PARL: variants seen among roughly 807,000 people sequenced by gnomAD.
PARL encodes presenilin-associated rhomboid-like protein, mitochondrial.
Under a neutral mutation model 51.6 loss-of-function variants are expected in PARL, and 44 were observed. That is an observed-to-expected ratio of 0.85 (90% CI 0.67 to 1.10). The LOEUF is 1.10. PARL is among the 50% of genes least tolerant of loss of function. The pLI, the probability that PARL is intolerant of heterozygous loss-of-function variation, is 0.00. For missense variants in PARL, 441 were observed against 469.5 expected (o/e 0.94, Z 0.56); for synonymous variants, 172 against 164.0 (o/e 1.05, Z -0.37).
intron 3 of PARL, 97 bp from the exon 4 acceptor site, chr3:183,862,898 C>G (rs952303164): frequency 4.3e-6 from 4 of 931,878 alleles, no homozygotes; most frequent in East Asian, 2.4e-5. Flanking sequence ...AGAGGAATTC[C>G]TCTTCTGCAA....
At chr3:183,843,147 G>A (rs1339466232) in intron 5 of PARL, 1 of 939,330 alleles carries the variant, frequency 1.1e-6, no homozygotes, top group Admixed American at 6.2e-5. Flanking sequence ...GCCTCCCCAA[G>A]TGCTGGGATT....
intron 4 of PARL, among the ~76,000 whole-genome samples, chr3:183,852,120 G>T (rs1730614348): frequency 6.6e-6 from 1 of 152,136 alleles, no homozygotes; most frequent in African/African-American, 2.4e-5. Context: ...TCATACAACT[G>T]CACTCCAGCC....
At chr3:183,853,139 C>G (rs1216269028) in intron 4 of PARL, among the ~76,000 whole-genome samples, 1 of 152,072 alleles carries the variant, frequency 6.6e-6, no homozygotes, top group Non-Finnish European at 1.5e-5. Context: ...GGGACTATAT[C>G]AAACTTAAAA....
chr3:183,838,347 T>C (rs1471468244), intron 7 of PARL, among the ~76,000 whole-genome samples: 1 of 152,158 alleles, frequency 6.6e-6, no homozygotes, highest in Non-Finnish European at 1.5e-5. Flanking sequence ...TCTTATAACG[T>C]CTCACTAAAC....
At chr3:183,877,814 T>C (rs1734017114) in intron 1 of PARL, among the ~76,000 whole-genome samples, 1 of 152,016 alleles carries the variant, frequency 6.6e-6, no homozygotes, top group Non-Finnish European at 1.5e-5. Context: ...CTTTTTTTTT[T>C]TTTTGAGACA....
rs2108606173 is a variant in PARL, at chr3:183,840,620, T to C, written c.778A>G (p.Ser260Gly). 5 of 1,543,788 alleles carry C rather than the reference T, an allele frequency of 3.2e-6. No homozygotes were observed. Among genetic ancestry groups the C allele is most frequent in the Non-Finnish European group, 3.6e-6 (4 of 1,121,156 alleles). The change falls in exon 7 of 10, where the codon AGT becomes GGT. Residue 260 changes from serine (S) to glycine (G), a missense_variant. Physicochemically the swap from Ser to Gly is moderately conservative, Grantham distance 56. Coordinates refer to ENST00000317096, the MANE Select transcript of PARL (RefSeq NM_018622.7). ...LSAGVISNFV[S>G]YVGKVATGRY... The stretch of plus-strand genomic sequence containing the variant: ...CCTGTGGCAACTTTACCCACGTAAC[T>C]GACAAAATTGGAAATAACACCTGAA...
At chr3:183,828,705 T>C (rs1013851839), downstream of PARL, among the ~76,000 whole-genome samples, 1 of 152,000 alleles carries the variant, frequency 6.6e-6, no homozygotes, top group Non-Finnish European at 1.5e-5. Flanking sequence ...ACAACCTGAG[T>C]CCGATCGGCC....
intron 3 of PARL, 36 bp downstream of exon 3, chr3:183,866,589 A>G (rs994754756): frequency 6.3e-7 from 1 of 1,587,338 alleles, no homozygotes; most frequent in Non-Finnish European, 8.6e-7. Flanking sequence ...TAAAACCGTG[A>G]TTAACTAGAA....
At chr3:183,874,655 G>A (rs1303299110) in intron 1 of PARL, among the ~76,000 whole-genome samples, 1 of 152,006 alleles carries the variant, frequency 6.6e-6, no homozygotes, top group Non-Finnish European at 1.5e-5. Flanking sequence ...TGATCCTCCC[G>A]CTTCGGCCTC....
chr3:183,867,972 C>T lies in PARL; in HGVS notation c.214G>A (p.Glu72Lys). The T allele has an allele frequency of 1.2e-6, 2 of 1,613,976 alleles. No individual in the cohort carries two copies. The highest frequency in any genetic ancestry group is 1.7e-6 in the Non-Finnish European group (2 of 1,179,794). ...ATCAAAGCACTTCTCTTGTATGCTT[C>T]ACCACTTGTCCCTGGGTCTGATCTT... ...PRRSDPGTSG[E>K]AYKRSALIPP... Residue 72 changes from glutamate to lysine, a missense_variant, in exon 2 of 10, where the codon GAA (glutamate) becomes AAA (lysine). Transcript: ENST00000317096.
At position 183,883,997 on chromosome 3, in the gene PARL, T is replaced by C. The variant is rs145004721; in HGVS notation, c.125+725A>G. 5.9e-5 allele frequency among the ~76,000 whole-genome samples: 9 copies of C among 152,300 alleles called. No individual in the cohort carries two copies. The East Asian group carries it at 1.5e-3, about 26-fold the overall frequency. ...GGCACCCATCTAACCAAGTCAGAAA[T>C]TGGAAGGAATGAAGTTTTGAACAAA... is the stretch of plus-strand genomic sequence containing the variant. On this transcript the variant is annotated intron_variant, in intron 1 of 9. Coordinates refer to ENST00000317096, the MANE Select transcript of PARL (RefSeq NM_018622.7).
intron 1 of PARL, chr3:183,883,755 T>C (rs1225695271): frequency 1.7e-5 from 16 of 935,980 alleles, no homozygotes; most frequent in Non-Finnish European, 1.7e-5. Context: ...CCTGGAATGC[T>C]TGTCGGACAT....
At chr3:183,827,919 G>A (rs190924221), downstream of PARL, among the ~76,000 whole-genome samples, 2 of 152,206 alleles carry the variant, frequency 1.3e-5, no homozygotes, top group Admixed American at 1.3e-4. Flanking sequence ...GGCAGCCACG[G>A]CATGTTCCTA....
chr3:183,832,647 C>G (rs1440995426), intron 9 of PARL, among the ~76,000 whole-genome samples: 1 of 152,170 alleles, frequency 6.6e-6, no homozygotes, highest in Non-Finnish European at 1.5e-5. Flanking sequence ...GGATCCAGCT[C>G]ATGCTGACGG....
intron 1 of PARL, among the ~76,000 whole-genome samples, chr3:183,884,025 A>T (rs950333063): frequency 1.3e-5 from 2 of 152,244 alleles, no homozygotes; most frequent in African/African-American, 2.4e-5. Context: ...TGAACAAAAG[A>T]GGAGGAAAAT....
In PARL at chr3:183,848,496, C is replaced by T. The variant is rs565543263; in HGVS notation, c.512-4170G>A. ...GACCTCGTGATCTGCCCGCGTCGGC[C>T]TCCCAAAGCTTTGCAGCATTTTAAC... On this transcript the variant is annotated intron_variant, in intron 4 of 9. Coordinates refer to ENST00000317096, the MANE Select transcript of PARL (RefSeq NM_018622.7). 2.0e-5 allele frequency among the ~76,000 whole-genome samples: 3 copies of T among 152,320 alleles called. No homozygotes were observed. In the South Asian group the frequency reaches 6.2e-4, roughly 32 times the overall value.
At position 183,829,568 on chromosome 3, in the gene PARL, C is replaced by G. The variant is rs1180055501; in HGVS notation, c.*30G>C. 6.2e-7 allele frequency: 1 copy of G among 1,614,204 alleles called. No homozygotes were observed. Among genetic ancestry groups the G allele is most frequent in the Non-Finnish European group, 8.5e-7 (1 of 1,180,042 alleles). On this transcript the variant is annotated 3_prime_UTR_variant, in exon 10 of 10. Coordinates refer to ENST00000317096, the MANE Select transcript of PARL (RefSeq NM_018622.7). ...CCTGGGGCTCTCAGGCGGCAAGGAC[C>G]AGATGCACCACTACTGTCCAATCCC...
chr3:183,844,086 G>C, intron 5 of PARL, 145 bp downstream of exon 5: 1 of 708,808 alleles, frequency 1.4e-6, no homozygotes, highest in South Asian at 1.6e-5. Flanking sequence ...CCTGTCCTCA[G>C]TGAAGGAGCT....
intron 1 of PARL, among the ~76,000 whole-genome samples, chr3:183,874,831 G>A (rs564952957): frequency 7.9e-4 from 120 of 152,308 alleles, no homozygotes; most frequent in Non-Finnish European, 1.4e-3. Context: ...CAGCACTTTG[G>A]GAAGCTAAGG....
Sources: gnomAD v4.1 joint callset for allele counts (sites outside exome capture counted in the v4.1 genomes callset) on GRCh38, gnomAD v4.1.1 for gene constraint, MANE v1.5 for transcripts, NCBI Gene and HGNC (gene_info 2026-07-23, HGNC 2026-07-21) for gene names.